Variants in SSH2 observed in about 807,000 individuals in gnomAD.
SSH2 encodes protein phosphatase Slingshot homolog 2.
SSH2 carries 37 observed loss-of-function variants against 135.2 expected under a neutral mutation model. That is an observed-to-expected ratio of 0.27 (90% CI 0.21 to 0.36). The LOEUF is 0.36. Ranked by LOEUF, SSH2 falls within the 10% of genes least tolerant of loss-of-function variation. The probability of loss-of-function intolerance (pLI) is 1.00; values close to 1 mark genes in which losing one functional copy is unlikely to be tolerated. For missense variants in SSH2, 1,408 were observed against 1,765.3 expected (o/e 0.80, Z 3.63); for synonymous variants, 628 against 646.2 (o/e 0.97, Z 0.43).
At chr17:29,703,391 C>T (rs980192779) in intron 3 of SSH2, among the ~76,000 whole-genome samples, 41 of 150,144 alleles carry the variant, frequency 2.7e-4, no homozygotes, top group Non-Finnish European at 5.5e-4. Context: ...CTGGGATTAC[C>T]GGCGCCCGCC....
intron 9 of SSH2, among the ~76,000 whole-genome samples, chr17:29,669,617 T>C (rs2037410488): frequency 6.6e-6 from 1 of 152,048 alleles, no homozygotes; most frequent in South Asian, 2.1e-4. Flanking sequence ...CCACTGAAAA[T>C]CCCTCTACCC....
intron 3 of SSH2, among the ~76,000 whole-genome samples, chr17:29,761,879 A>AT (rs1332835041): frequency 1.4e-4 from 16 of 116,192 alleles, no homozygotes; most frequent in Non-Finnish European, 2.2e-4. Context: ...GTGTATATAT[A>AT]TATATATATT....
intron 1 of SSH2, among the ~76,000 whole-genome samples, chr17:29,877,856 G>A (rs573883922): frequency 6.6e-6 from 1 of 152,102 alleles, no homozygotes; most frequent in South Asian, 2.1e-4. Context: ...TGGGAATTTG[G>A]CAGACTGCTT....
chr17:29,893,756 G>T (rs1313541169), intron 1 of SSH2, among the ~76,000 whole-genome samples: 1 of 152,130 alleles, frequency 6.6e-6, no homozygotes, highest in East Asian at 1.9e-4. Context: ...GATTTTCTCA[G>T]ATCTTCAATA....
chr17:29,642,453 CCT>C (rs1189311090), intron 14 of SSH2, among the ~76,000 whole-genome samples: 2 of 151,952 alleles, frequency 1.3e-5, no homozygotes, highest in Non-Finnish European at 2.9e-5. Context: ...GAAATCTAAA[CCT>C]CTCTAATGGA....
At chr17:29,794,392 A>G (rs922328818) in intron 2 of SSH2, among the ~76,000 whole-genome samples, 1 of 152,174 alleles carries the variant, frequency 6.6e-6, no homozygotes, top group African/African-American at 2.4e-5. Flanking sequence ...ATCAACATCA[A>G]CATAATGGCT....
At chr17:29,863,078 A>T (rs67206808) in intron 1 of SSH2, among the ~76,000 whole-genome samples, 63,725 of 148,038 alleles carry the variant, frequency 0.43, 15,378 homozygotes, top group East Asian at 0.69. Context: ...TTTTTTTTTT[A>T]AAAAAAAGGA....
intron 3 of SSH2, among the ~76,000 whole-genome samples, chr17:29,789,905 T>C (rs368723249): frequency 1.3e-5 from 2 of 152,338 alleles, no homozygotes; most frequent in South Asian, 2.1e-4. Context: ...TATCCTATGC[T>C]TACCTCACCA....
intron 3 of SSH2, among the ~76,000 whole-genome samples, chr17:29,747,810 T>C (rs1323104215): frequency 1.3e-5 from 2 of 152,162 alleles, no homozygotes; most frequent in African/African-American, 2.4e-5. Context: ...AGGACTCCCA[T>C]TTACTGGAAG....
chr17:29,821,482 T>C (rs1210854110), intron 2 of SSH2, among the ~76,000 whole-genome samples: 3 of 149,346 alleles, frequency 2.0e-5, no homozygotes, highest in African/African-American at 5.1e-5. Context: ...AAGCGAGTTA[T>C]TGGAGCAAAT....
At chr17:29,677,209 G>A (rs2037756815) in intron 7 of SSH2, among the ~76,000 whole-genome samples, 1 of 134,396 alleles carries the variant, frequency 7.4e-6, no homozygotes, top group Admixed American at 8.3e-5. Flanking sequence ...ACCTGACCCT[G>A]GTTTTATAAA....
At chr17:29,771,324 A>G (rs2041581456) in intron 3 of SSH2, among the ~76,000 whole-genome samples, 1 of 152,238 alleles carries the variant, frequency 6.6e-6, no homozygotes, top group South Asian at 2.1e-4. Context: ...TGTGGACTTT[A>G]TATAGCCTAG....
rs60274804 is a variant in SSH2, at chr17:29,731,414, ATTTT to A, written c.189-28356_189-28353del. Among the ~76,000 whole-genome samples the A allele has an allele frequency of 5.0e-3, 578 of 115,316 alleles. 5 individuals are homozygous for A. Among genetic ancestry groups the A allele is most frequent in the Middle Eastern group, 0.029 (7 of 240 alleles). The allele number at this position is 115,316 out of a possible 152,430, so 75.7% of individuals were successfully genotyped here. On this transcript the variant is annotated intron_variant, in intron 3 of 15. Transcript: ENST00000540801. ...CAACTAGGTTTTTCATAGCAGAAGT[ATTTT>A]TTATTTATTTATTTATTTATTTATT...
chr17:29,862,239 T>C (rs2065777817), intron 1 of SSH2, among the ~76,000 whole-genome samples: 1 of 152,244 alleles, frequency 6.6e-6, no homozygotes, highest in Non-Finnish European at 1.5e-5. Context: ...CACAGTTCCT[T>C]GTGCACACAT....
Position 29,721,313 on chromosome 17 carries a change from T to C in SSH2, c.189-18251A>G, listed in dbSNP as rs559135423. Among the ~76,000 whole-genome samples the C allele has an allele frequency of 1.2e-4, 15 of 121,810 alleles. No individual in the cohort carries two copies. In the East Asian group the frequency reaches 3.5e-3, roughly 29 times the overall value. The allele number at this position is 121,810 out of a possible 152,430, so 79.9% of individuals were successfully genotyped here. ...GATTCATTATATATTTGCTCCAGCA[T>C]AGAACGGACATTGCAGTATAATCCT... On this transcript the variant is annotated intron_variant, in intron 3 of 15. Transcript: ENST00000540801.
At position 29,850,702 on chromosome 17, in the gene SSH2, T is replaced by C. The variant is rs116991215; in HGVS notation, c.64-1773A>G. Among the ~76,000 whole-genome samples, 297 of 152,322 alleles carry C rather than the reference T, an allele frequency of 1.9e-3. 8 individuals carry two copies. The East Asian group carries it at 0.05, about 26-fold the overall frequency. On this transcript the variant is annotated intron_variant, in intron 1 of 15. Coordinates refer to ENST00000540801, the MANE Select transcript of SSH2 (RefSeq NM_001282129.2). ...AATAACCAAATATTTAAAATCATTGTTGCCCGAGCGTGGTGGCTCACGCCT... is the reference window on the plus strand; with the variant it reads ...AATAACCAAATATTTAAAATCATTGCTGCCCGAGCGTGGTGGCTCACGCCT...
chr17:29,782,692 T>C (rs1188515735), intron 3 of SSH2, among the ~76,000 whole-genome samples: 1 of 152,148 alleles, frequency 6.6e-6, no homozygotes, highest in Non-Finnish European at 1.5e-5. Context: ...TTCAAGCGAT[T>C]CTCCTGCCTC....
intron 6 of SSH2, among the ~76,000 whole-genome samples, chr17:29,678,880 A>G (rs1274390329): frequency 6.6e-6 from 1 of 151,758 alleles, no homozygotes. Context: ...ATGCCCGGCT[A>G]ATTTTTGTAT....
chr17:29,745,125 T>C (rs2040715369), intron 3 of SSH2, among the ~76,000 whole-genome samples: 1 of 152,016 alleles, frequency 6.6e-6, no homozygotes, highest in Non-Finnish European at 1.5e-5. Context: ...CCATATGATA[T>C]ACCCAAAGTA....
Sources: gnomAD v4.1 joint callset for allele counts (sites outside exome capture counted in the v4.1 genomes callset) on GRCh38, gnomAD v4.1.1 for gene constraint, MANE v1.5 for transcripts, NCBI Gene and HGNC (gene_info 2026-07-23, HGNC 2026-07-21) for gene names.